Variants in ABCC2 observed in about 807,000 individuals in gnomAD.
ABCC2 encodes the protein ATP binding cassette subfamily C member 2.
A neutral mutation model predicts 173.4 loss-of-function variants in ABCC2; 157 were observed. The ratio of observed to expected loss-of-function variants is 0.91; its 90% CI spans 0.80 to 1.03. The LOEUF is 1.03. Among genes scored for constraint, ABCC2 ranks in the 50% least tolerant of loss-of-function variants. The pLI is 0.00. For missense variants in ABCC2, 1,822 were observed against 1,852.3 expected (o/e 0.98, Z 0.30); for synonymous variants, 657 against 693.5 (o/e 0.95, Z 0.83).
chr10:99,808,789 G>A (rs1031334313), intron 13 of ABCC2, among the ~76,000 whole-genome samples: 2 of 152,152 alleles, frequency 1.3e-5, no homozygotes, highest in Admixed American at 6.5e-5. Context: ...TGCAGAGGAA[G>A]GTCACCGGAC....
At chr10:99,806,426 T>G (rs2038106031) in intron 11 of ABCC2, among the ~76,000 whole-genome samples, 1 of 152,230 alleles carries the variant, frequency 6.6e-6, no homozygotes, top group Admixed American at 6.5e-5. Context: ...GCTGGGAGCC[T>G]ACTTCAAACC....
chr10:99,804,809 G>A (rs1208654591), intron 10 of ABCC2, among the ~76,000 whole-genome samples: 2 of 152,192 alleles, frequency 1.3e-5, no homozygotes, highest in African/African-American at 4.8e-5. Context: ...ACAAATAATT[G>A]TTTTGAAAAT....
At chr10:99,836,840 C>A (rs534544870) in intron 25 of ABCC2, among the ~76,000 whole-genome samples, 1 of 152,110 alleles carries the variant, frequency 6.6e-6, no homozygotes, top group Non-Finnish European at 1.5e-5. Flanking sequence ...TCTCCAGTAT[C>A]CTTAAGCCCT....
intron 13 of ABCC2, among the ~76,000 whole-genome samples, chr10:99,808,465 GACAATCT>G (rs2038152539): frequency 6.6e-6 from 1 of 152,130 alleles, no homozygotes; most frequent in Non-Finnish European, 1.5e-5. Flanking sequence ...CTCACAGGGA[GACAATCT>G]TGTGAAAGCA....
In ABCC2 at chr10:99,810,335, C is replaced by G. The variant is rs1009005336; in HGVS notation, c.1900+117C>G. 6 of 795,166 alleles carry G rather than the reference C, an allele frequency of 7.5e-6. No individual in the cohort carries two copies. In the Admixed American group the frequency reaches 1.0e-4, roughly 13 times the overall value. 49.3% of individuals were successfully genotyped at this position (795,166 alleles called of 1,614,324 possible). On this transcript the variant is annotated intron_variant, in intron 14 of 31. Transcript: ENST00000647814. Reference sequence around the variant, plus strand: ...AGAGAGTGTGGAGATTTGTCTTGAGCCTATGCTTGCATAAGATACAAACTG... The same window carrying G: ...AGAGAGTGTGGAGATTTGTCTTGAGGCTATGCTTGCATAAGATACAAACTG...
intron 19 of ABCC2, 150 bp downstream of exon 19, chr10:99,819,419 C>G: frequency 1.2e-6 from 1 of 833,254 alleles, no homozygotes; most frequent in South Asian, 1.5e-5. Flanking sequence ...GGTTCTGTGT[C>G]TCTTTGAGGA....
chr10:99,842,053 GT>G lies in ABCC2; in HGVS notation c.3702del (p.Ser1234ArgfsTer19), dbSNP rs1339435157. The G allele has an allele frequency of 6.2e-7, 1 of 1,614,214 alleles. No homozygotes were observed. On this transcript the variant is annotated frameshift_variant, in exon 26 of 32. Coordinates refer to ENST00000647814, the MANE Select transcript of ABCC2 (RefSeq NM_000392.5). LOFTEE classifies it high-confidence loss of function. ...ATGGTTATTTATAGAGATACCCTAA[GT>G]GGGGACACTGTTGGCTTTGTTCTGT... ...LMMVIYRDTL[S>X]GDTVGFVLSN... is the part of the protein sequence containing the mutation.
chr10:99,785,969 G>A (rs1011716554), intron 2 of ABCC2, among the ~76,000 whole-genome samples: 1 of 152,142 alleles, frequency 6.6e-6, no homozygotes, highest in African/African-American at 2.4e-5. Flanking sequence ...GACACTTTGA[G>A]GTTGGGGTTG....
rs1564685715 is a variant in ABCC2 at position 99,814,642 on chromosome 10, CACATATACACACACATAT to C, written c.2094+1499_2094+1516del. On this transcript the variant is annotated intron_variant, in intron 16 of 31. Coordinates refer to ENST00000647814, the MANE Select transcript of ABCC2 (RefSeq NM_000392.5). ...ACATATACACACATATGTGTATATA[CACATATACACACACATAT>C]GTGTATATACACATATACACACACG... Among the ~76,000 whole-genome samples the C allele has an allele frequency of 2.1e-3, 267 of 125,896 alleles. 9 individuals carry two copies. Among genetic ancestry groups the C allele is most frequent in the African/African-American group, 3.4e-3 (101 of 30,070 alleles). The allele number at this position is 125,896 out of a possible 152,430, so 82.6% of individuals were successfully genotyped here.
chr10:99,788,343 C>T (rs2037754418), intron 2 of ABCC2, among the ~76,000 whole-genome samples: 1 of 152,144 alleles, frequency 6.6e-6, no homozygotes, highest in African/African-American at 2.4e-5. Context: ...AGCAGCCAAA[C>T]TCGTACTGAT....
chr10:99,840,427 A>G (rs2038918293), intron 25 of ABCC2, among the ~76,000 whole-genome samples: 4 of 146,886 alleles, frequency 2.7e-5, no homozygotes, highest in African/African-American at 9.8e-5. Flanking sequence ...CACCGACCCC[A>G]GCCCGCGGCG....
At chr10:99,826,161 A>T (rs1236955249) in intron 19 of ABCC2, among the ~76,000 whole-genome samples, 2 of 152,236 alleles carry the variant, frequency 1.3e-5, no homozygotes, top group Non-Finnish European at 2.9e-5. Context: ...TAAGTGACCA[A>T]TTTGACCACA....
chr10:99,833,084 A>G (rs1282231861), intron 23 of ABCC2, among the ~76,000 whole-genome samples: 2 of 152,304 alleles, frequency 1.3e-5, no homozygotes, highest in East Asian at 3.9e-4. Context: ...GCAGACATAG[A>G]AAGTATAGCT....
intron 16 of ABCC2, among the ~76,000 whole-genome samples, chr10:99,814,658 T>TATACACAC (rs1564685806): frequency 1.7e-5 from 2 of 119,716 alleles, no homozygotes; most frequent in African/African-American, 3.2e-5. Flanking sequence ...TACACACACA[T>TATACACAC]ATGTGTATAT....
In ABCC2 at chr10:99,834,258, G is replaced by A. The variant is rs190052652; in HGVS notation, c.3259-122G>A. On this transcript the variant is annotated intron_variant, in intron 23 of 31. Transcript: ENST00000647814. ...CTATTGCAAATGAACACAATGAAATGATTACATGAAGGAGTACTGGGAACA... is the reference window on the plus strand; with the variant it reads ...CTATTGCAAATGAACACAATGAAATAATTACATGAAGGAGTACTGGGAACA... 1.3e-3 allele frequency: 1,309 copies of A among 987,632 alleles called. 8 individuals carry two copies. Among genetic ancestry groups the A allele is most frequent in the Non-Finnish European group, 4.4e-4 (278 of 635,416 alleles). 61.2% of individuals were successfully genotyped at this position (987,632 alleles called of 1,614,324 possible).
chr10:99,814,106 CAT>C lies in ABCC2; in HGVS notation c.2094+965_2094+966del, dbSNP rs1221402963. Among the ~76,000 whole-genome samples, 2 of 63,442 alleles carry C rather than the reference CAT, an allele frequency of 3.2e-5. 1 individual carries two copies. The highest frequency in any genetic ancestry group is 6.9e-5 in the Non-Finnish European group (2 of 29,156). The allele number at this position is 63,442 out of a possible 152,430, so 41.6% of individuals were successfully genotyped here. A position where few individuals can be genotyped will look rare whatever the true frequency, so the allele number is the denominator to read the frequency against. ...GTGTATATACACATATATATACACA[CAT>C]ATGTGTATATACACACATATGTGTG... is the stretch of plus-strand genomic sequence containing the variant. On this transcript the variant is annotated intron_variant, in intron 16 of 31. Transcript: ENST00000647814.
At position 99,844,484 on chromosome 10, in the gene ABCC2, G is replaced by T; in HGVS notation, c.3987+19G>T. 6.2e-7 allele frequency: 1 copy of T among 1,611,572 alleles called. No homozygotes were observed. Among genetic ancestry groups the T allele is most frequent in the Non-Finnish European group, 8.5e-7 (1 of 1,179,992 alleles). On this transcript the variant is annotated intron_variant, in intron 28 of 31. Transcript: ENST00000647814. ...GGAGAAGGTAGGTGGAGTGAAGGAA[G>T]GCCTGGATGGGAGGCCTTGTGATCA...
chr10:99,849,138 G>A (rs1201727949), intron 30 of ABCC2, among the ~76,000 whole-genome samples: 5 of 152,192 alleles, frequency 3.3e-5, no homozygotes, highest in Admixed American at 3.3e-4. Context: ...GCTGAGGCAG[G>A]AGAATCGCTT....
intron 3 of ABCC2, 110 bp downstream of exon 3, chr10:99,792,469 G>A (rs945889565): frequency 7.0e-5 from 107 of 1,531,214 alleles, no homozygotes; most frequent in South Asian, 6.0e-4. Flanking sequence ...TGTCTTTTTC[G>A]CGGGATCCAT....
Sources: gnomAD v4.1 joint callset for allele counts (sites outside exome capture counted in the v4.1 genomes callset) on GRCh38, gnomAD v4.1.1 for gene constraint, MANE v1.5 for transcripts, NCBI Gene and HGNC (gene_info 2026-07-23, HGNC 2026-07-21) for gene names.